CCDC63: variants seen among roughly 807,000 people sequenced by gnomAD.
CCDC63 encodes the protein coiled-coil domain containing 63.
A neutral mutation model predicts 63.6 loss-of-function variants in CCDC63; 54 were observed. The observed-to-expected ratio is 0.85, with a 90% CI of 0.68 to 1.07. The LOEUF (loss-of-function observed/expected upper bound fraction) is 1.07. Among genes scored for constraint, CCDC63 ranks in the 50% least tolerant of loss-of-function variants. The pLI is 0.00. For synonymous variants in CCDC63, 253 were observed against 266.1 expected (o/e 0.95, Z 0.48); for missense variants, 637 against 689.6 (o/e 0.92, Z 0.86).
chr12:110,860,391 T>G (rs1233867619), intron 4 of CCDC63, among the ~76,000 whole-genome samples: 1 of 152,192 alleles, frequency 6.6e-6, no homozygotes, highest in Non-Finnish European at 1.5e-5. Context: ...AACGGCTCCC[T>G]AAGCAGCCTG....
chr12:110,867,262 C>T (rs2070973095), intron 4 of CCDC63, among the ~76,000 whole-genome samples: 4 of 115,870 alleles, frequency 3.5e-5, no homozygotes, highest in African/African-American at 1.0e-4. Context: ...GGCGGCTGGC[C>T]GGGCAGAGGG....
intron 4 of CCDC63, among the ~76,000 whole-genome samples, chr12:110,871,673 C>T (rs1345764878): frequency 6.6e-6 from 1 of 151,696 alleles, no homozygotes; most frequent in Non-Finnish European, 1.5e-5. Flanking sequence ...GAGGTGCACG[C>T]GTCTTAAGGA....
At chr12:110,896,652 A>G (rs779517737) in intron 9 of CCDC63, among the ~76,000 whole-genome samples, 10 of 152,200 alleles carry the variant, frequency 6.6e-5, no homozygotes, top group Non-Finnish European at 1.3e-4. Context: ...TAGAACAGTG[A>G]TCCTCAGTCC....
chr12:110,867,586 C>A (rs1363162424), intron 4 of CCDC63, among the ~76,000 whole-genome samples: 2 of 138,048 alleles, frequency 1.4e-5, no homozygotes, highest in African/African-American at 2.8e-5. Context: ...CTGACCCCCC[C>A]ACCTCCCTCC....
At chr12:110,844,554 C>T (rs547863633), upstream of CCDC63, among the ~76,000 whole-genome samples, 124 of 152,316 alleles carry the variant, frequency 8.1e-4, 1 homozygote, top group African/African-American at 2.9e-3. Flanking sequence ...TCCTTTCTGT[C>T]TGATAGGCCA....
At chr12:110,881,626 G>C (rs181046543) in intron 7 of CCDC63, among the ~76,000 whole-genome samples, 27 of 152,174 alleles carry the variant, frequency 1.8e-4, no homozygotes, top group African/African-American at 6.5e-4. Context: ...GGAAGCTGAG[G>C]CAGGAGAATC....
intron 9 of CCDC63, among the ~76,000 whole-genome samples, chr12:110,896,525 C>T (rs997595111): frequency 1.3e-5 from 2 of 152,118 alleles, no homozygotes; most frequent in African/African-American, 4.8e-5. Flanking sequence ...GATCATTATC[C>T]GGGATGGTGC....
intron 9 of CCDC63, among the ~76,000 whole-genome samples, chr12:110,896,579 C>A (rs1339073175): frequency 6.6e-6 from 1 of 152,062 alleles, no homozygotes; most frequent in Admixed American, 6.6e-5. Context: ...CACCCAGGGT[C>A]CAGTTCACCT....
At position 110,889,562 on chromosome 12, in the gene CCDC63, A is replaced by AGGC; in HGVS notation, c.1075-3513_1075-3511dup. Among the ~76,000 whole-genome samples the AGGC allele has an allele frequency of 6.6e-6, 1 of 152,152 alleles. No individual in the cohort carries two copies. Among genetic ancestry groups the AGGC allele is most frequent in the Non-Finnish European group, 1.5e-5 (1 of 68,040 alleles). On this transcript the variant is annotated intron_variant, in intron 8 of 11. Transcript: ENST00000308208. The surrounding 1 kb of genome is among the most constrained non-coding windows in gnomAD (Gnocchi z 4.1). ...AAAGGCCCTGACGCAGCTTGCAAGC[A>AGGC]GGCCAGGGTGTCTGGCGCACAGAGA...
At chr12:110,868,766 G>GGGGGGA (rs2071021643) in intron 4 of CCDC63, among the ~76,000 whole-genome samples, 5 of 73,632 alleles carry the variant, frequency 6.8e-5, no homozygotes, top group Admixed American at 1.4e-4. Flanking sequence ...AGGGGGAGGG[G>GGGGGGA]GAGGGAGAGG....
chr12:110,873,294 G>A (rs1203903587), intron 4 of CCDC63, among the ~76,000 whole-genome samples: 3 of 152,172 alleles, frequency 2.0e-5, no homozygotes, highest in Non-Finnish European at 2.9e-5. Context: ...TCTCATCTAC[G>A]TAACATCCAG....
At chr12:110,867,329 G>C (rs1268794353) in intron 4 of CCDC63, among the ~76,000 whole-genome samples, 2 of 112,780 alleles carry the variant, frequency 1.8e-5, no homozygotes, top group African/African-American at 7.2e-5. Flanking sequence ...CTCCCAGACG[G>C]GGCGGCTGGC....
chr12:110,895,989 G>A (rs1431214138), intron 9 of CCDC63, among the ~76,000 whole-genome samples: 1 of 152,146 alleles, frequency 6.6e-6, no homozygotes, highest in Non-Finnish European at 1.5e-5. Context: ...GGCCGATTAT[G>A]AGGCTGAGTT....
chr12:110,897,970 G>A (rs2071435041), intron 9 of CCDC63, among the ~76,000 whole-genome samples: 1 of 152,056 alleles, frequency 6.6e-6, no homozygotes, highest in Admixed American at 6.6e-5. Context: ...GCCTCAGGTG[G>A]ATCACCATTT....
chr12:110,898,564 G>C (rs2136738902), intron 9 of CCDC63, among the ~76,000 whole-genome samples: 1 of 150,028 alleles, frequency 6.7e-6, no homozygotes, highest in East Asian at 2.0e-4. Flanking sequence ...GTTGCAGTGA[G>C]CTGAGATCAT....
intron 11 of CCDC63, among the ~76,000 whole-genome samples, chr12:110,906,461 T>C (rs1416923300): frequency 2.0e-5 from 3 of 151,850 alleles, no homozygotes; most frequent in East Asian, 3.9e-4. Flanking sequence ...GGTTTGCAAA[T>C]AATGTTGCAT....
chr12:110,899,059 A>G lies in CCDC63; in HGVS notation c.1276A>G (p.Thr426Ala), dbSNP rs772386732. The G allele has an allele frequency of 3.7e-6, 6 of 1,614,030 alleles. No homozygotes were observed. In the East Asian group the frequency reaches 1.3e-4, roughly 36 times the overall value. Residue 426 changes from threonine (T) to alanine (A), a missense_variant, in exon 10 of 12, where the codon ACC becomes GCC. Physicochemically the swap from Thr to Ala is moderately conservative, Grantham distance 58. Transcript: ENST00000308208. ...GTTCAAGAAGATAAACTGTGACGCC[A>G]CCAAGATCCTGGTGCAGTTAGGGGA... ...KLFKKINCDA[T>A]KILVQLGETG...
At chr12:110,895,299 G>C (rs2071404766) in intron 9 of CCDC63, among the ~76,000 whole-genome samples, 1 of 152,140 alleles carries the variant, frequency 6.6e-6, no homozygotes, top group Non-Finnish European at 1.5e-5. Flanking sequence ...ATTGTTAGTA[G>C]AGACGGGGTT....
chr12:110,852,992 G>A lies in CCDC63; in HGVS notation c.9+29G>A, dbSNP rs562114012. On this transcript the variant is annotated intron_variant, in intron 2 of 11. Coordinates refer to ENST00000308208, the MANE Select transcript of CCDC63 (RefSeq NM_152591.3). ...GGTGATGCCAGCTCCCAGCCACAGA[G>A]CACCTACTATGGGGTCAGGCACTGT... The A allele has an allele frequency of 4.3e-6, 7 of 1,612,630 alleles. No individual in the cohort carries two copies. In the South Asian group the frequency reaches 7.7e-5, roughly 18 times the overall value.
Sources: allele counts gnomAD v4.1 joint callset (sites outside exome capture counted in the v4.1 genomes callset), GRCh38; gene constraint gnomAD v4.1.1; non-coding constraint Gnocchi (gnomAD v3.1); transcripts MANE v1.5; gene names NCBI Gene and HGNC (gene_info 2026-07-23, HGNC 2026-07-21).